The following USP12 variants were observed in gnomAD, a reference collection of about 807,000 sequenced individuals.
USP12 encodes ubiquitin carboxyl-terminal hydrolase 12.
A neutral mutation model predicts 45.5 loss-of-function variants in USP12; 19 were observed. The observed-to-expected ratio is 0.42, with a 90% CI of 0.29 to 0.61. The LOEUF (loss-of-function observed/expected upper bound fraction) is 0.61. Ranked by LOEUF, USP12 falls within the 20% of genes least tolerant of loss-of-function variation. The pLI is 0.22. For synonymous variants in USP12, 149 were observed against 148.8 expected (o/e 1.00, Z -0.01); for missense variants, 242 against 447.7 (o/e 0.54, Z 4.15).
intron 1 of USP12, among the ~76,000 whole-genome samples, chr13:27,156,854 T>G (rs896789808): frequency 1.5e-4 from 23 of 151,868 alleles, no homozygotes; most frequent in African/African-American, 5.6e-4. Context: ...GAAAAAATGA[T>G]TTTATGGTTG....
Position 27,171,727 on chromosome 13 carries a change from G to A in USP12, c.-88C>T, listed in dbSNP as rs1180713198. ...GGGCCGCCCGCTCGCACCGCAGCCC[G>A]CGGGCGGACCCCGAGCCGCCGCGGA... On this transcript the variant is annotated 5_prime_UTR_variant, in exon 1 of 9. Transcript: ENST00000282344. The A allele has an allele frequency of 1.5e-5, 13 of 894,160 alleles. No individual in the cohort carries two copies. In the African/African-American group the frequency reaches 2.4e-4, roughly 17 times the overall value. 55.4% of individuals were successfully genotyped at this position (894,160 alleles called of 1,614,324 possible).
chr13:27,111,300 T>A lies in USP12; in HGVS notation c.129+5216A>T, dbSNP rs1293589033. On this transcript the variant is annotated intron_variant, in intron 2 of 8. Transcript: ENST00000282344. ...AACTTTCATTCAAGGTCCTAAGACC[T>A]AAAAATTATCTTTCAAGAGTAGAGC... 2.0e-5 allele frequency among the ~76,000 whole-genome samples: 3 copies of A among 152,230 alleles called. No homozygotes were observed. In the East Asian group the frequency reaches 5.8e-4, roughly 29 times the overall value.
chr13:27,159,293 T>G (rs527733266), intron 1 of USP12, among the ~76,000 whole-genome samples: 1 of 152,308 alleles, frequency 6.6e-6, no homozygotes, highest in South Asian at 2.1e-4. Flanking sequence ...AATTACTAAA[T>G]TACAAGGGCG....
chr13:27,105,933 G>T lies in USP12; in HGVS notation c.141C>A (p.Thr47=). 1 of 1,606,466 alleles carries T rather than the reference G, an allele frequency of 6.2e-7. No individual in the cohort carries two copies. The highest frequency in any genetic ancestry group is 8.5e-7 in the Non-Finnish European group (1 of 1,177,982). ...HYFGLVNFGN[T]CYCNSVLQAL... ...CTTGAAGAACTGAATTGCAGTAGCA[G>T]GTATTCCCAAACTGCAACAGAAAAA... The change falls in exon 3 of 9, where the codon ACC becomes ACA. Residue 47 remains threonine, a synonymous_variant. Coordinates refer to ENST00000282344, the MANE Select transcript of USP12 (RefSeq NM_182488.4).
chr13:27,103,607 A>AAATAATAAT (rs1555234498), intron 3 of USP12, among the ~76,000 whole-genome samples: 4,651 of 128,450 alleles, frequency 0.036, 108 homozygotes, highest in Non-Finnish European at 0.048. Flanking sequence ...TCAAAAAAAA[A>AAATAATAAT]AATAATAATA....
chr13:27,096,856 AT>A (rs1367011471), intron 3 of USP12, among the ~76,000 whole-genome samples: 1 of 152,222 alleles, frequency 6.6e-6, no homozygotes, highest in Non-Finnish European at 1.5e-5. Flanking sequence ...AAGATTTTAC[AT>A]TTTAAAAATG....
At chr13:27,144,871 G>A (rs1188962528) in intron 1 of USP12, among the ~76,000 whole-genome samples, 5 of 150,808 alleles carry the variant, frequency 3.3e-5, no homozygotes, top group Non-Finnish European at 7.4e-5. Context: ...ACCAGCCCGG[G>A]TAATAGGGCC....
At chr13:27,081,227 T>C (rs1873744197) in intron 6 of USP12, among the ~76,000 whole-genome samples, 1 of 152,202 alleles carries the variant, frequency 6.6e-6, no homozygotes, top group African/African-American at 2.4e-5. Flanking sequence ...TCTTTCAAAA[T>C]TGAGTCAATC....
intron 6 of USP12, chr13:27,077,832 A>ATTC (rs1291307427): frequency 6.6e-6 from 1 of 152,116 alleles, no homozygotes. Context: ...AATTTATAGG[A>ATTC]TTCTGGCTTT....
At chr13:27,102,791 G>A (rs547550252) in intron 3 of USP12, among the ~76,000 whole-genome samples, 8 of 152,072 alleles carry the variant, frequency 5.3e-5, no homozygotes, top group East Asian at 1.9e-4. Context: ...GCTTCCCCAC[G>A]AGGGTGTCAG....
intron 1 of USP12, among the ~76,000 whole-genome samples, chr13:27,124,938 A>T (rs147216458): frequency 6.6e-6 from 1 of 152,216 alleles, no homozygotes; most frequent in Non-Finnish European, 1.5e-5. Context: ...TCATAAAAAG[A>T]GTATCAAAGT....
chr13:27,152,419 G>C (rs60200963), intron 1 of USP12, among the ~76,000 whole-genome samples: 3,064 of 152,194 alleles, frequency 0.02, 39 homozygotes, highest in Middle Eastern at 0.037. Context: ...GTCCAAAGCA[G>C]ATAATTATAT....
chr13:27,159,114 T>C (rs1334901427), intron 1 of USP12, among the ~76,000 whole-genome samples: 1 of 152,208 alleles, frequency 6.6e-6, no homozygotes, highest in South Asian at 2.1e-4. Context: ...GTTTTAAAAA[T>C]AGTAAGTGGT....
intron 3 of USP12, among the ~76,000 whole-genome samples, chr13:27,099,945 C>T (rs1308872221): frequency 6.6e-6 from 1 of 152,144 alleles, no homozygotes; most frequent in Admixed American, 6.5e-5. Flanking sequence ...ATTTGGTACA[C>T]TGTGTGTGGG....
At chr13:27,085,470 C>T (rs546147315) in intron 6 of USP12, among the ~76,000 whole-genome samples, 7 of 152,060 alleles carry the variant, frequency 4.6e-5, no homozygotes, top group African/African-American at 1.7e-4. Context: ...CGTGAGCCAC[C>T]GCATCTGGCC....
intron 2 of USP12, among the ~76,000 whole-genome samples, chr13:27,106,782 A>G (rs1192371500): frequency 3.9e-5 from 6 of 152,120 alleles, no homozygotes; most frequent in Non-Finnish European, 8.8e-5. Context: ...AATAATGGAG[A>G]GATGGATAAA....
chr13:27,138,383 C>T (rs1349297380), intron 1 of USP12, among the ~76,000 whole-genome samples: 1 of 152,164 alleles, frequency 6.6e-6, no homozygotes, highest in Non-Finnish European at 1.5e-5. Context: ...AGGAAAGGCT[C>T]AGATGGTAAA....
intron 6 of USP12, among the ~76,000 whole-genome samples, chr13:27,086,187 A>ATACATATAT (rs1289444305): frequency 2.7e-5 from 2 of 72,882 alleles, no homozygotes; most frequent in Non-Finnish European, 3.0e-5. Context: ...AAAAAAAAAA[A>ATACATATAT]AAAAAAAAAA....
intron 1 of USP12, among the ~76,000 whole-genome samples, chr13:27,171,054 G>A (rs368000511): frequency 6.6e-6 from 1 of 152,070 alleles, no homozygotes; most frequent in African/African-American, 2.4e-5. Context: ...AGCGCTGCCC[G>A]CCCCGGCCGA....
Sources: gnomAD v4.1 joint callset for allele counts (sites outside exome capture counted in the v4.1 genomes callset) on GRCh38, gnomAD v4.1.1 for gene constraint, MANE v1.5 for transcripts, NCBI Gene and HGNC (gene_info 2026-07-23, HGNC 2026-07-21) for gene names.